ADGRD1: variants seen among roughly 807,000 people sequenced by gnomAD.
The protein encoded by ADGRD1 is adhesion G protein-coupled receptor D1, also known as G-protein coupled receptor 133.
Under a neutral mutation model 113.4 loss-of-function variants are expected in ADGRD1, and 77 were observed. The observed-to-expected ratio is 0.68, with a 90% CI of 0.57 to 0.82. The LOEUF (loss-of-function observed/expected upper bound fraction) is 0.82, where lower values mean the gene tolerates loss of function less well. Among genes scored for constraint, ADGRD1 ranks in the 40% least tolerant of loss-of-function variants. The pLI is 0.00. For missense variants in ADGRD1, 1,036 were observed against 1,139.1 expected, an observed-to-expected ratio of 0.91 and a Z score of 1.30; for synonymous variants, 474 against 475.0, an observed-to-expected ratio of 1.00 and a Z score of 0.03.
intron 20 of ADGRD1, among the ~76,000 whole-genome samples, chr12:131,131,446 G>A (rs1950925276): frequency 6.6e-6 from 1 of 152,234 alleles, no homozygotes; most frequent in African/African-American, 2.4e-5. Context: ...GATGAGGTCT[G>A]GCCCAGGCTC....
At position 131,027,694 on chromosome 12, in the gene ADGRD1, C is replaced by T. The variant is rs562747677; in HGVS notation, c.1473+13354C>T. The T allele has an allele frequency of 8.2e-4, 125 of 152,282 alleles. 1 individual carries two copies. Among genetic ancestry groups the T allele is most frequent in the African/African-American group, 3.0e-3 (125 of 41,538 alleles). 9.4% of individuals were successfully genotyped at this position (152,282 alleles called of 1,614,324 possible). A position where few individuals can be genotyped will look rare whatever the true frequency, so the allele number is the denominator to read the frequency against. ...AGAGTCACAGAGAAACAAATTAGAG[C>T]TAGGGGTTCAGGGTTACTCAGACCA... is the stretch of plus-strand genomic sequence containing the variant. On this transcript the variant is annotated intron_variant, in intron 13 of 24. Coordinates refer to ENST00000261654, the MANE Select transcript of ADGRD1 (RefSeq NM_198827.5). This position sits in a 1 kb window ranked among gnomAD's most constrained non-coding sequence, Gnocchi z 5.1.
intron 6 of ADGRD1, chr12:130,989,932 C>T (rs1309085598): frequency 6.6e-6 from 1 of 152,204 alleles, no homozygotes; most frequent in East Asian, 1.9e-4. Flanking sequence ...AAAGCATGTA[C>T]CTTTGGGCAC....
At chr12:131,132,810 G>T (rs950877410) in intron 21 of ADGRD1, among the ~76,000 whole-genome samples, 1 of 152,182 alleles carries the variant, frequency 6.6e-6, no homozygotes, top group African/African-American at 2.4e-5. Flanking sequence ...GCTGTCCCTC[G>T]CAGGGAATTC....
intron 13 of ADGRD1, among the ~76,000 whole-genome samples, chr12:131,017,799 GACAC>G (rs1168166664): frequency 9.2e-6 from 1 of 108,120 alleles, no homozygotes; most frequent in Non-Finnish European, 1.9e-5. Flanking sequence ...ACCCAACACA[GACAC>G]ACCCAGTGTG....
chr12:130,997,546 C>T (rs987520313), intron 8 of ADGRD1, among the ~76,000 whole-genome samples: 2 of 151,158 alleles, frequency 1.3e-5, no homozygotes, highest in African/African-American at 4.9e-5. Context: ...CGAGCAGAGG[C>T]GCTCCTCACA....
At chr12:131,039,772 A>G (rs1393452361) in intron 13 of ADGRD1, among the ~76,000 whole-genome samples, 2 of 152,274 alleles carry the variant, frequency 1.3e-5, no homozygotes, top group Non-Finnish European at 2.9e-5. Flanking sequence ...GCCCAGACTC[A>G]GCTGGGCCCA....
chr12:131,109,841 T>C (rs1182553180), intron 18 of ADGRD1, among the ~76,000 whole-genome samples: 2 of 152,254 alleles, frequency 1.3e-5, no homozygotes, highest in Non-Finnish European at 2.9e-5. Context: ...CACCACTTGT[T>C]GTATTGTGTA....
intron 18 of ADGRD1, among the ~76,000 whole-genome samples, chr12:131,117,296 A>G (rs1213285913): frequency 1.3e-5 from 2 of 152,194 alleles, no homozygotes; most frequent in South Asian, 2.1e-4. Context: ...ACTCAGTTTC[A>G]AGTAATAGAA....
chr12:131,080,878 C>T (rs570973032), intron 14 of ADGRD1, among the ~76,000 whole-genome samples: 56 of 152,312 alleles, frequency 3.7e-4, no homozygotes, highest in African/African-American at 1.3e-3. Flanking sequence ...CCTCGGCCTC[C>T]CAAAGTGCTG....
At chr12:131,117,556 C>T (rs1018033223) in intron 18 of ADGRD1, among the ~76,000 whole-genome samples, 2 of 152,114 alleles carry the variant, frequency 1.3e-5, no homozygotes, top group Non-Finnish European at 2.9e-5. Context: ...TCAGCAGTTT[C>T]GAAGAAAGCC....
chr12:131,087,638 C>T (rs1450925152), intron 15 of ADGRD1, among the ~76,000 whole-genome samples: 1 of 152,218 alleles, frequency 6.6e-6, no homozygotes, highest in Non-Finnish European at 1.5e-5. Context: ...CAGCTGTGAC[C>T]CGCCAGATAA....
rs1298309329 is a variant in ADGRD1 at position 130,965,341 on chromosome 12, C to T, written c.104-1122C>T. On this transcript the variant is annotated intron_variant, in intron 2 of 24. Transcript: ENST00000261654. The surrounding 1 kb of genome is among the most constrained non-coding windows in gnomAD (Gnocchi z 4.8). The stretch of plus-strand genomic sequence containing the variant: ...TCCACTTTGGTTATCAGGCATACAT[C>T]ATTTGAAAATAATGATCTTATTATC... 6.6e-6 allele frequency among the ~76,000 whole-genome samples: 1 copy of T among 152,122 alleles called. No individual in the cohort carries two copies. The highest frequency in any genetic ancestry group is 1.9e-4 in the East Asian group (1 of 5,194).
intron 13 of ADGRD1, chr12:131,024,872 G>A (rs536243235): frequency 9.2e-5 from 14 of 152,374 alleles, no homozygotes; most frequent in Admixed American, 3.9e-4. Flanking sequence ...TGAGAAGCTC[G>A]GGCAGGGCTC....
At position 131,075,177 on chromosome 12, in the gene ADGRD1, A is replaced by C. The variant is rs1015256003; in HGVS notation, c.1474-1624A>C. On this transcript the variant is annotated intron_variant, in intron 13 of 24. Coordinates refer to ENST00000261654, the MANE Select transcript of ADGRD1 (RefSeq NM_198827.5). The surrounding 1 kb of genome is among the most constrained non-coding windows in gnomAD (Gnocchi z 5.3). The stretch of plus-strand genomic sequence containing the variant: ...TTTAAATTACTCAGGTAACACACAA[A>C]TACGCCTCCTTGTTAAAAAATTACA... 1.3e-5 allele frequency among the ~76,000 whole-genome samples: 2 copies of C among 152,108 alleles called. No individual in the cohort carries two copies. The highest frequency in any genetic ancestry group is 4.8e-5 in the African/African-American group (2 of 41,408).
At chr12:131,056,075 A>G (rs530670210) in intron 13 of ADGRD1, among the ~76,000 whole-genome samples, 2 of 152,270 alleles carry the variant, frequency 1.3e-5, no homozygotes, top group Admixed American at 6.5e-5. Context: ...TATGATGGAA[A>G]TTTTCCCATC....
rs1951216239 is a variant in ADGRD1, at chr12:131,140,439, G to A, written c.*1176G>A. The A allele has an allele frequency of 6.6e-6, 1 of 152,160 alleles. No homozygotes were observed. The highest frequency in any genetic ancestry group is 2.1e-4 in the South Asian group (1 of 4,814). 9.4% of individuals were successfully genotyped at this position (152,160 alleles called of 1,614,324 possible). A position where few individuals can be genotyped will look rare whatever the true frequency, so the allele number is the denominator to read the frequency against. On this transcript the variant is annotated 3_prime_UTR_variant, in exon 25 of 25. Transcript: ENST00000261654. ...TTGTTATGGACCCATGTGTGGGCAT[G>A]ATCCTGTGGAACACAGGTTTGGGAT...
intron 20 of ADGRD1, among the ~76,000 whole-genome samples, chr12:131,131,015 G>A (rs1271626367): frequency 6.6e-6 from 1 of 152,202 alleles, no homozygotes; most frequent in Non-Finnish European, 1.5e-5. Flanking sequence ...CAAGGGAGAA[G>A]GCTAACCCTC....
At chr12:131,006,113 A>G (rs1877079103) in intron 12 of ADGRD1, 66 bp downstream of exon 12, 4 of 1,323,936 alleles carry the variant, frequency 3.0e-6, no homozygotes, top group Non-Finnish European at 4.3e-6. Context: ...GGCTGGCCAC[A>G]GGGATGCCCG....
chr12:131,095,252 C>G (rs1223046670), intron 15 of ADGRD1, among the ~76,000 whole-genome samples: 1 of 152,248 alleles, frequency 6.6e-6, no homozygotes, highest in Non-Finnish European at 1.5e-5. Context: ...CAGCCCCAGC[C>G]CTGCCTGGGC....
Sources: gnomAD v4.1 joint callset for allele counts (sites outside exome capture counted in the v4.1 genomes callset) on GRCh38, gnomAD v4.1.1 for gene constraint, Gnocchi (gnomAD v3.1) non-coding constraint, MANE v1.5 for transcripts, NCBI Gene and HGNC (gene_info 2026-07-23, HGNC 2026-07-21) for gene names.